KCNK2: variants seen among roughly 807,000 people sequenced by gnomAD.
KCNK2 encodes potassium channel subfamily K member 2.
KCNK2 carries 21 observed loss-of-function variants against 40.5 expected under a neutral mutation model. That is an observed-to-expected ratio of 0.52 (90% CI 0.37 to 0.75). KCNK2 has a LOEUF of 0.75. KCNK2 is among the 30% of genes least tolerant of loss of function. KCNK2 has a pLI of 0.00. For missense variants in KCNK2, 399 were observed against 531.6 expected (o/e 0.75, Z 2.45); for synonymous variants, 191 against 202.2 (o/e 0.94, Z 0.47).
intron 3 of KCNK2, among the ~76,000 whole-genome samples, chr1:215,137,572 T>C (rs1661987464): frequency 6.6e-6 from 1 of 152,168 alleles, no homozygotes; most frequent in Non-Finnish European, 1.5e-5. Flanking sequence ...GATTTATAAA[T>C]AGAATACCTG....
At position 215,151,913 on chromosome 1, in the gene KCNK2, T is replaced by A. The variant is rs141013137; in HGVS notation, c.476-17286T>A. ...ATCTTTTTAACTCTTGTCCATTACT[T>A]CATGAAATTATTCTCATTTACAGTA... On this transcript the variant is annotated intron_variant, in intron 3 of 6. Coordinates refer to ENST00000444842, the MANE Select transcript of KCNK2 (RefSeq NM_001017425.3). 2.1e-3 allele frequency among the ~76,000 whole-genome samples: 323 copies of A among 152,280 alleles called. 4 individuals are homozygous for A. Among genetic ancestry groups the A allele is most frequent in the African/African-American group, 7.5e-3 (310 of 41,572 alleles).
chr1:215,151,155 G>A (rs1434257862), intron 3 of KCNK2, among the ~76,000 whole-genome samples: 2 of 152,034 alleles, frequency 1.3e-5, no homozygotes, highest in African/African-American at 4.8e-5. Context: ...TATTTCAAAT[G>A]TGTAGAAGTG....
intron 6 of KCNK2, among the ~76,000 whole-genome samples, chr1:215,216,782 T>A (rs1041538670): frequency 6.6e-6 from 1 of 152,122 alleles, no homozygotes; most frequent in African/African-American, 2.4e-5. Flanking sequence ...ATCTTCAAAA[T>A]CGGTGTGTAT....
chr1:215,149,631 T>C (rs1662597866), intron 3 of KCNK2, among the ~76,000 whole-genome samples: 1 of 152,142 alleles, frequency 6.6e-6, no homozygotes, highest in Non-Finnish European at 1.5e-5. Flanking sequence ...GAACATGAAA[T>C]AAGCTAGTAC....
intron 1 of KCNK2, among the ~76,000 whole-genome samples, chr1:215,014,186 C>T (rs950393941): frequency 3.0e-4 from 46 of 152,090 alleles, no homozygotes; most frequent in African/African-American, 1.0e-3. Flanking sequence ...TTTCTCCTAT[C>T]GTTTGTTAGC....
chr1:215,228,383 G>T (rs1269545186), intron 6 of KCNK2, among the ~76,000 whole-genome samples: 1 of 152,146 alleles, frequency 6.6e-6, no homozygotes, highest in Admixed American at 6.6e-5. Flanking sequence ...AACTTAGTGA[G>T]GTGGATGAGA....
At chr1:215,057,329 C>G (rs541294109) in intron 1 of KCNK2, among the ~76,000 whole-genome samples, 2 of 151,760 alleles carry the variant, frequency 1.3e-5, no homozygotes. Flanking sequence ...GTTAGGCATA[C>G]AACAAATGTC....
chr1:215,015,392 G>T (rs1303059656), intron 1 of KCNK2, among the ~76,000 whole-genome samples: 4 of 152,060 alleles, frequency 2.6e-5, no homozygotes, highest in Non-Finnish European at 5.9e-5. Context: ...GACTGAATTA[G>T]CAGGTTCTAA....
At chr1:215,186,462 A>AT (rs1359507268) in intron 5 of KCNK2, among the ~76,000 whole-genome samples, 1 of 152,124 alleles carries the variant, frequency 6.6e-6, no homozygotes, top group Non-Finnish European at 1.5e-5. Flanking sequence ...TTCACTTTTT[A>AT]TTTTTATATA....
At chr1:215,060,566 G>A (rs951157163) in intron 1 of KCNK2, among the ~76,000 whole-genome samples, 2 of 152,176 alleles carry the variant, frequency 1.3e-5, no homozygotes, top group Non-Finnish European at 2.9e-5. Flanking sequence ...TTTAAGAAAC[G>A]TTCATGCCAT....
intron 2 of KCNK2, among the ~76,000 whole-genome samples, chr1:215,113,347 A>G (rs1420867808): frequency 2.6e-5 from 4 of 152,130 alleles, no homozygotes; most frequent in Non-Finnish European, 4.4e-5. Flanking sequence ...ATATAACCCC[A>G]AGACCTGAAC....
At chr1:215,150,415 A>G (rs1157731987) in intron 3 of KCNK2, among the ~76,000 whole-genome samples, 1 of 152,056 alleles carries the variant, frequency 6.6e-6, no homozygotes, top group East Asian at 1.9e-4. Flanking sequence ...ATCACTATTA[A>G]TTGAATAATT....
At chr1:215,083,801 G>C (rs1659295950) in intron 1 of KCNK2, 1 of 334,936 alleles carries the variant, frequency 3.0e-6, no homozygotes, top group Non-Finnish European at 5.6e-6. Context: ...CAGTGGTGCT[G>C]AAAAAAGCTT....
At chr1:215,209,939 G>T (rs1665631662) in intron 6 of KCNK2, among the ~76,000 whole-genome samples, 1 of 45,156 alleles carries the variant, frequency 2.2e-5, no homozygotes, top group Non-Finnish European at 3.8e-5. Flanking sequence ...ACTTCATGAA[G>T]CTTCAAAATA....
intron 6 of KCNK2, among the ~76,000 whole-genome samples, chr1:215,204,002 C>T (rs147302957): frequency 8.4e-6 from 1 of 119,404 alleles, no homozygotes; most frequent in Non-Finnish European, 1.6e-5. Context: ...CGCGCCACTG[C>T]ACTCCAGCCT....
intron 1 of KCNK2, among the ~76,000 whole-genome samples, chr1:215,048,030 G>A (rs1657845291): frequency 6.6e-6 from 1 of 152,130 alleles, no homozygotes; most frequent in African/African-American, 2.4e-5. Flanking sequence ...TAACGTCAGT[G>A]AACATTCTGA....
intron 3 of KCNK2, among the ~76,000 whole-genome samples, chr1:215,141,505 G>A (rs1662172917): frequency 6.6e-6 from 1 of 151,846 alleles, no homozygotes; most frequent in Non-Finnish European, 1.5e-5. Flanking sequence ...CGCAGCACAT[G>A]ACTGTATCTT....
At chr1:215,063,879 T>C (rs1408003630) in intron 1 of KCNK2, among the ~76,000 whole-genome samples, 1 of 152,134 alleles carries the variant, frequency 6.6e-6, no homozygotes, top group Non-Finnish European at 1.5e-5. Context: ...CTTCACAATA[T>C]TTTCAAAGGG....
rs372495071 is a variant in KCNK2 at position 215,138,433 on chromosome 1, A to G, written c.475+13683A>G. On this transcript the variant is annotated intron_variant, in intron 3 of 6. Transcript: ENST00000444842. ...CTAAGTGTCAGAAAAAGGGATCACT[A>G]TATTTTTAGAGGAAAAAATCAGGGG... 5.8e-4 allele frequency among the ~76,000 whole-genome samples: 88 copies of G among 152,302 alleles called. No homozygotes were observed. The South Asian group carries it at 0.017, about 30-fold the overall frequency.
Sources: gnomAD v4.1 joint callset for allele counts (sites outside exome capture counted in the v4.1 genomes callset) on GRCh38, gnomAD v4.1.1 for gene constraint, MANE v1.5 for transcripts, NCBI Gene and HGNC (gene_info 2026-07-23, HGNC 2026-07-21) for gene names.